The following ICA1 variants were observed in gnomAD, a reference collection of about 807,000 sequenced individuals.
ICA1 encodes islet cell autoantigen 1, also known as 69 kDa islet cell autoantigen.
Under a neutral mutation model 71.0 loss-of-function variants are expected in ICA1, and 40 were observed. That is an observed-to-expected ratio of 0.56 (90% CI 0.44 to 0.73). ICA1 has a LOEUF of 0.73. Among genes scored for constraint, ICA1 ranks in the 30% least tolerant of loss-of-function variants. The pLI is 0.00. For missense variants in ICA1, 578 were observed against 576.5 expected (o/e 1.00, Z -0.03); for synonymous variants, 207 against 209.5 (o/e 0.99, Z 0.10).
chr7:8,254,494 G>A (rs189376879), intron 1 of ICA1, among the ~76,000 whole-genome samples: 7 of 148,916 alleles, frequency 4.7e-5, no homozygotes, highest in Admixed American at 1.4e-4. Flanking sequence ...CCACACTTGC[G>A]TCTGCTGGGT....
rs560248399 is a variant in ICA1 at position 8,237,966 on chromosome 7, T to C, written c.-79-1961A>G. Reference sequence around the variant, plus strand: ...ATACAGTGTCAAATTCATTGACAGGTTCTTGGAAGCTGCAACTATAGGCAA... The same window carrying C: ...ATACAGTGTCAAATTCATTGACAGGCTCTTGGAAGCTGCAACTATAGGCAA... On this transcript the variant is annotated intron_variant, in intron 1 of 13. Coordinates refer to ENST00000402384, the MANE Select transcript of ICA1 (RefSeq NM_001136020.3). Among the ~76,000 whole-genome samples the C allele has an allele frequency of 3.2e-4, 48 of 152,096 alleles. No homozygotes were observed. The South Asian group carries it at 3.9e-3, about 13-fold the overall frequency.
chr7:8,214,937 G>A (rs1794932663), intron 6 of ICA1, among the ~76,000 whole-genome samples: 1 of 152,122 alleles, frequency 6.6e-6, no homozygotes, highest in African/African-American at 2.4e-5. Context: ...AATTAAAGTG[G>A]TGCTACCACG....
chr7:8,168,769 G>A lies in ICA1; in HGVS notation c.580-10117C>T, dbSNP rs114133057. ...TGGTCAGTGGATTCCCTGTTTTTAG[G>A]GGAAAAGTATGCAGAGAGGGTATCT... On this transcript the variant is annotated intron_variant, in intron 6 of 13. Coordinates refer to ENST00000402384, the MANE Select transcript of ICA1 (RefSeq NM_001136020.3). Among the ~76,000 whole-genome samples, 1,062 of 152,154 alleles carry A rather than the reference G, an allele frequency of 7.0e-3. 17 individuals are homozygous for A. Among genetic ancestry groups the A allele is most frequent in the African/African-American group, 0.025 (1,026 of 41,512 alleles).
chr7:8,160,848 G>A (rs938496231), intron 6 of ICA1, among the ~76,000 whole-genome samples: 5 of 152,160 alleles, frequency 3.3e-5, no homozygotes, highest in Non-Finnish European at 7.3e-5. Flanking sequence ...AAGAGTCTAG[G>A]ATGAGTAAGT....
At chr7:8,259,087 C>T (rs960922630) in intron 1 of ICA1, among the ~76,000 whole-genome samples, 15 of 152,124 alleles carry the variant, frequency 9.9e-5, no homozygotes, top group Non-Finnish European at 1.9e-4. Context: ...GAAGCTTGAC[C>T]GGGAATCCAC....
Position 8,127,919 on chromosome 7 carries a change from C to A in ICA1, c.1284G>T (p.Ser428=), listed in dbSNP as rs780257530. The A allele has an allele frequency of 3.1e-6, 5 of 1,614,182 alleles. No individual in the cohort carries two copies. The highest frequency in any genetic ancestry group is 4.2e-6 in the Non-Finnish European group (5 of 1,180,028). ...CTTTCATATTTTGGTCTAAAAGCTG[C>A]GAAGGAAGGAAACCTGAGCCTGTCT... ...KAQTGSGFLP[S]QLLDQNMKDL... The change falls in exon 13 of 14, where the codon TCG becomes TCT. Residue 428 remains serine (S), a synonymous_variant. Coordinates refer to ENST00000402384, the MANE Select transcript of ICA1 (RefSeq NM_001136020.3).
intron 12 of ICA1, among the ~76,000 whole-genome samples, chr7:8,138,622 T>C (rs1227754516): frequency 6.6e-6 from 1 of 152,226 alleles, no homozygotes; most frequent in Non-Finnish European, 1.5e-5. Flanking sequence ...CTATAGTAGT[T>C]TGAACATTAT....
At chr7:8,206,102 T>C (rs1036074206) in intron 6 of ICA1, among the ~76,000 whole-genome samples, 1 of 152,212 alleles carries the variant, frequency 6.6e-6, no homozygotes, top group Non-Finnish European at 1.5e-5. Context: ...AATTGAGATA[T>C]GTGGGAAAAG....
rs1326882960 is a variant in ICA1, at chr7:8,144,082, C to T, written c.805-110G>A. On this transcript the variant is annotated intron_variant, in intron 8 of 13. Coordinates refer to ENST00000402384, the MANE Select transcript of ICA1 (RefSeq NM_001136020.3). The surrounding 1 kb of genome is among the most constrained non-coding windows in gnomAD (Gnocchi z 4.5). ...TAAAAAATTCAACTGCCATTTGTCC[C>T]AGCAACCAAACTTTGAATTACAGGT... is the stretch of plus-strand genomic sequence containing the variant. 2 of 659,434 alleles carry T rather than the reference C, an allele frequency of 3.0e-6. No individual in the cohort carries two copies. Among genetic ancestry groups the T allele is most frequent in the Non-Finnish European group, 5.2e-6 (2 of 386,414 alleles). 40.8% of individuals were successfully genotyped at this position (659,434 alleles called of 1,614,324 possible). A position where few individuals can be genotyped will look rare whatever the true frequency, so the allele number is the denominator to read the frequency against.
intron 1 of ICA1, among the ~76,000 whole-genome samples, chr7:8,260,252 C>G (rs1811777693): frequency 6.6e-6 from 1 of 152,108 alleles, no homozygotes; most frequent in African/African-American, 2.4e-5. Context: ...AGTCAAATAC[C>G]TTGAAAACGT....
At chr7:8,134,555 T>C (rs1792667975) in intron 12 of ICA1, among the ~76,000 whole-genome samples, 2 of 152,136 alleles carry the variant, frequency 1.3e-5, no homozygotes. Context: ...TCGTCCCCAC[T>C]CTGGACATTA....
At chr7:8,134,456 G>C (rs1046334707) in intron 12 of ICA1, among the ~76,000 whole-genome samples, 4 of 152,108 alleles carry the variant, frequency 2.6e-5, no homozygotes, top group Non-Finnish European at 5.9e-5. Context: ...CCGAAAACGA[G>C]AGCACAGAAA....
In ICA1 at chr7:8,223,756, CT is replaced by C. The variant is rs1797797938; in HGVS notation, c.257-2359del. On this transcript the variant is annotated intron_variant, in intron 4 of 13. Coordinates refer to ENST00000402384, the MANE Select transcript of ICA1 (RefSeq NM_001136020.3). This position sits in a 1 kb window ranked among gnomAD's most constrained non-coding sequence, Gnocchi z 4.1. ...CAGCCTGTGCAACATAGCAAGACCC[CT>C]GTCTCTATTACAAGAAGAAAGCAAA... is the stretch of plus-strand genomic sequence containing the variant. 6.6e-6 allele frequency among the ~76,000 whole-genome samples: 1 copy of C among 152,068 alleles called. No individual in the cohort carries two copies. The highest frequency in any genetic ancestry group is 2.4e-5 in the African/African-American group (1 of 41,406).
At chr7:8,160,580 T>A (rs1395835759) in intron 6 of ICA1, among the ~76,000 whole-genome samples, 1 of 152,204 alleles carries the variant, frequency 6.6e-6, no homozygotes, top group Admixed American at 6.5e-5. Context: ...TTCTATGGAA[T>A]TGGAAAATAA....
chr7:8,170,174 T>C (rs1807776053), intron 6 of ICA1, among the ~76,000 whole-genome samples: 1 of 151,938 alleles, frequency 6.6e-6, no homozygotes, highest in South Asian at 2.1e-4. Flanking sequence ...TGTAGGTCTA[T>C]TTCTGGACTT....
intron 1 of ICA1, among the ~76,000 whole-genome samples, chr7:8,248,794 A>G (rs1807059731): frequency 6.6e-6 from 1 of 152,186 alleles, no homozygotes; most frequent in Non-Finnish European, 1.5e-5. Context: ...TGTGGGTGCA[A>G]AGTGGTACAT....
intron 3 of ICA1, among the ~76,000 whole-genome samples, chr7:8,229,336 G>A (rs1799556081): frequency 6.6e-6 from 1 of 152,212 alleles, no homozygotes; most frequent in South Asian, 2.1e-4. Context: ...ATAGGCAGAT[G>A]GGGCTGTGCT....
At chr7:8,221,221 G>C in intron 5 of ICA1, 54 bp downstream of exon 5, 5 of 1,607,866 alleles carry the variant, frequency 3.1e-6, no homozygotes, top group East Asian at 2.2e-5. Flanking sequence ...GAGTAGGTGG[G>C]TCCCGGAGTC....
rs910519025 is a variant in ICA1 at position 8,239,878 on chromosome 7, T to C, written c.-79-3873A>G. Reference sequence around the variant, plus strand: ...CTGCCATTGCTGAGGCATGAGTAGGTAAACAAAGCGGCCAGGGAAGCTTGA... The same window carrying C: ...CTGCCATTGCTGAGGCATGAGTAGGCAAACAAAGCGGCCAGGGAAGCTTGA... On this transcript the variant is annotated intron_variant, in intron 1 of 13. Coordinates refer to ENST00000402384, the MANE Select transcript of ICA1 (RefSeq NM_001136020.3). Among the ~76,000 whole-genome samples, 3 of 152,170 alleles carry C rather than the reference T, an allele frequency of 2.0e-5. No homozygotes were observed. In the East Asian group the frequency reaches 5.8e-4, roughly 29 times the overall value.
Sources: allele counts gnomAD v4.1 joint callset (sites outside exome capture counted in the v4.1 genomes callset), GRCh38; gene constraint gnomAD v4.1.1; non-coding constraint Gnocchi (gnomAD v3.1); transcripts MANE v1.5; gene names NCBI Gene and HGNC (gene_info 2026-07-23, HGNC 2026-07-21).